Variants in NCAPG2 observed in about 807,000 individuals in gnomAD.
NCAPG2 encodes condensin-2 complex subunit G2.
A neutral mutation model predicts 141.1 loss-of-function variants in NCAPG2; 53 were observed. The ratio of observed to expected loss-of-function variants is 0.38; its 90% confidence interval spans 0.30 to 0.47. The LOEUF (loss-of-function observed/expected upper bound fraction) is 0.47, where lower values mean the gene tolerates loss of function less well. Ranked by LOEUF, NCAPG2 falls within the 20% of genes least tolerant of loss-of-function variation. The pLI is 0.99. For synonymous variants in NCAPG2, 499 were observed against 490.7 expected (o/e 1.02, Z -0.22); for missense variants, 1,087 against 1,389.0 (o/e 0.78, Z 3.46).
At position 158,645,837 on chromosome 7, in the gene NCAPG2, G is replaced by T. The variant is rs1225047078; in HGVS notation, c.3180-218C>A. 6.6e-5 allele frequency among the ~76,000 whole-genome samples: 10 copies of T among 152,256 alleles called. No homozygotes were observed. In the East Asian group the frequency reaches 1.3e-3, roughly 21 times the overall value. ...ATGCTGCTGGGAACAGGGATGCTGTGCTGAGTGAAAAAGGCTACTCTGTAT... is the reference window on the plus strand; with the variant it reads ...ATGCTGCTGGGAACAGGGATGCTGTTCTGAGTGAAAAAGGCTACTCTGTAT... On this transcript the variant is annotated intron_variant, in intron 25 of 27. Coordinates refer to ENST00000356309, the MANE Select transcript of NCAPG2 (RefSeq NM_017760.7).
At chr7:158,631,932 TTGGGTTGACCG>T (rs1829916029) in intron 27 of NCAPG2, among the ~76,000 whole-genome samples, 1 of 152,166 alleles carries the variant, frequency 6.6e-6, no homozygotes, top group African/African-American at 2.4e-5. Context: ...GAGCACAGGC[TTGGGTTGACCG>T]TGGACACCAA....
intron 7 of NCAPG2, 135 bp from the exon 8 acceptor site, chr7:158,686,376 A>C (rs1834755788): frequency 1.9e-6 from 1 of 513,766 alleles, no homozygotes; most frequent in South Asian, 3.4e-5. Flanking sequence ...TCATCTATAG[A>C]AATAGGTTAT....
rs1192666302 is a variant in NCAPG2, at chr7:158,656,680, T to C, written c.2086A>G (p.Ser696Gly). 1 of 1,614,046 alleles carries C rather than the reference T, an allele frequency of 6.2e-7. No homozygotes were observed. Among genetic ancestry groups the C allele is most frequent in the Non-Finnish European group, 8.5e-7 (1 of 1,180,006 alleles). Residue 696 changes from serine (S) to glycine (G), a missense_variant, in exon 18 of 28, where the codon AGC becomes GGC. By Grantham distance (56) the Ser-to-Gly change is moderately conservative (BLOSUM62 0). Transcript: ENST00000356309. The stretch of plus-strand genomic sequence containing the variant: ...TTGTCCACAGCGCCCTCCTCCCGGC[T>C]TCTCAGCGTGGAAATCACACCACAG... ...FSCGVISTLR[S>G]REEGAVDKSY...
chr7:158,656,214 C>T (rs752914337), intron 19 of NCAPG2, 46 bp downstream of exon 19: 8 of 1,588,228 alleles, frequency 5.0e-6, no homozygotes, highest in South Asian at 4.6e-5. Context: ...GATTTGTCAC[C>T]CCCACAATCA....
intron 3 of NCAPG2, 108 bp from the exon 4 acceptor site, chr7:158,693,064 G>A: frequency 1.2e-6 from 1 of 866,804 alleles, no homozygotes; most frequent in Non-Finnish European, 1.8e-6. Flanking sequence ...CACAATTCTA[G>A]CTTATTCTAA....
intron 13 of NCAPG2, among the ~76,000 whole-genome samples, chr7:158,667,549 C>CT (rs1833185433): frequency 4.0e-4 from 13 of 32,734 alleles, no homozygotes; most frequent in African/African-American, 1.4e-3. Flanking sequence ...GCCCTCCACC[C>CT]GCTTACCCAC....
chr7:158,693,561 T>G (rs1052395979), intron 2 of NCAPG2, 64 bp from the exon 3 acceptor site: 5 of 1,402,412 alleles, frequency 3.6e-6, no homozygotes, highest in Non-Finnish European at 4.9e-6. Flanking sequence ...CTTTTCATAA[T>G]GTCATCAAAA....
chr7:158,650,880 A>T lies in NCAPG2; in HGVS notation c.3027T>A (p.Ser1009=). 6.2e-7 allele frequency: 1 copy of T among 1,613,996 alleles called. No homozygotes were observed. Residue 1009 remains serine, a synonymous_variant, in exon 24 of 28, where the codon TCT becomes TCA. Transcript: ENST00000356309. ...CAACCACAGGCCCAGCGATCAGAGTAGAAAGTACACCCCGGTGCACAGGGG... is the reference window on the plus strand; with the variant it reads ...CAACCACAGGCCCAGCGATCAGAGTTGAAAGTACACCCCGGTGCACAGGGG... ...TDTPVHRGVL[S]TLIAGPVVEI...
chr7:158,679,058 G>A (rs1220299984), intron 11 of NCAPG2, among the ~76,000 whole-genome samples: 1 of 152,144 alleles, frequency 6.6e-6, no homozygotes, highest in Non-Finnish European at 1.5e-5. Context: ...GTCTCACTAT[G>A]TTGCCCAGAC....
chr7:158,701,058 T>C (rs765072709), intron 2 of NCAPG2, among the ~76,000 whole-genome samples: 1 of 152,190 alleles, frequency 6.6e-6, no homozygotes, highest in Non-Finnish European at 1.5e-5. Context: ...ATCTGGTACC[T>C]CCAAAATGGA....
chr7:158,641,496 T>C (rs903344383), intron 27 of NCAPG2: 7 of 685,344 alleles, frequency 1.0e-5, no homozygotes, highest in African/African-American at 3.6e-5. Context: ...GAAGGATAGA[T>C]TGAGTCCAGG....
rs765930239 is a variant in NCAPG2 at position 158,662,281 on chromosome 7, G to A, written c.1902C>T (p.Asp634=). ...EIIVILWKSI[D]RSMENNKEAK... ...CCTCTTTATTATTTTCCATACTTCTGTCAATACTTTTCCAGAGAATCACAA... is the reference window on the plus strand; with the variant it reads ...CCTCTTTATTATTTTCCATACTTCTATCAATACTTTTCCAGAGAATCACAA... The change falls in exon 16 of 28, where the codon GAC becomes GAT. Residue 634 remains aspartate (D), a synonymous_variant. Coordinates refer to ENST00000356309, the MANE Select transcript of NCAPG2 (RefSeq NM_017760.7). The A allele has an allele frequency of 6.2e-7, 1 of 1,610,660 alleles. No homozygotes were observed. Among genetic ancestry groups the A allele is most frequent in the Non-Finnish European group, 8.5e-7 (1 of 1,178,602 alleles).
At chr7:158,653,588 C>T (rs1831664935) in intron 22 of NCAPG2, among the ~76,000 whole-genome samples, 1 of 152,144 alleles carries the variant, frequency 6.6e-6, no homozygotes, top group South Asian at 2.1e-4. Context: ...GACAGATACA[C>T]TGGGGGTGTC....
intron 22 of NCAPG2, among the ~76,000 whole-genome samples, chr7:158,652,999 AAAAT>A (rs1461400074): frequency 2.0e-5 from 3 of 152,242 alleles, no homozygotes; most frequent in Non-Finnish European, 2.9e-5. Flanking sequence ...TGAAGTTTAA[AAAAT>A]AAATAATTTT....
intron 4 of NCAPG2, among the ~76,000 whole-genome samples, chr7:158,691,865 G>A (rs1224204437): frequency 1.3e-5 from 2 of 152,146 alleles, no homozygotes; most frequent in African/African-American, 4.8e-5. Flanking sequence ...ATCTAGCAAT[G>A]GTAATCACAT....
Position 158,687,374 on chromosome 7 carries a change from A to G in NCAPG2, c.741T>C (p.Ile247=). The G allele has an allele frequency of 2.5e-6, 4 of 1,610,688 alleles. No homozygotes were observed. Among genetic ancestry groups the G allele is most frequent in the Non-Finnish European group, 3.4e-6 (4 of 1,178,316 alleles). Residue 247 remains isoleucine (I), a synonymous_variant, in exon 7 of 28, where the codon ATT becomes ATC. Coordinates refer to ENST00000356309, the MANE Select transcript of NCAPG2 (RefSeq NM_017760.7). ...INFIKMIHGT[I]KNQLQGLQKS... ...TTTGTAATCCCTGTAACTGGTTTTTAATGGTCCCGTGGATCATTTTGATGA... is the reference window on the plus strand; with the variant it reads ...TTTGTAATCCCTGTAACTGGTTTTTGATGGTCCCGTGGATCATTTTGATGA...
chr7:158,676,045 A>G (rs1400656679), intron 11 of NCAPG2, among the ~76,000 whole-genome samples: 2 of 152,224 alleles, frequency 1.3e-5, no homozygotes, highest in African/African-American at 4.8e-5. Context: ...TCTACTTGTA[A>G]TGAACTAATC....
intron 3 of NCAPG2, 54 bp from the exon 4 acceptor site, chr7:158,693,010 G>T: frequency 1.6e-6 from 2 of 1,212,252 alleles, no homozygotes; most frequent in Non-Finnish European, 1.2e-6. Context: ...CTTAAAATCA[G>T]TTTTTAGCAG....
At chr7:158,654,926 T>C (rs1831788136) in intron 21 of NCAPG2, 192 bp downstream of exon 21, 6 of 1,102,282 alleles carry the variant, frequency 5.4e-6, no homozygotes, top group East Asian at 2.6e-5. Flanking sequence ...TTATATGTAA[T>C]GTATAAAATT....
Sources: allele counts gnomAD v4.1 joint callset (sites outside exome capture counted in the v4.1 genomes callset), GRCh38; gene constraint gnomAD v4.1.1; transcripts MANE v1.5; gene names NCBI Gene and HGNC (gene_info 2026-07-23, HGNC 2026-07-21).